ZNF713: variants seen among roughly 807,000 people sequenced by gnomAD.
The protein encoded by ZNF713 is zinc finger protein 713.
ZNF713 carries 21 observed loss-of-function variants against 28.7 expected under a neutral mutation model. The observed-to-expected ratio is 0.73, with a 90% CI of 0.52 to 1.05. The LOEUF is 1.05. ZNF713 is among the 50% of genes least tolerant of loss of function. ZNF713 has a pLI of 0.00. For synonymous variants in ZNF713, 167 were observed against 178.0 expected, an observed-to-expected ratio of 0.94 and a Z score of 0.49; for missense variants, 458 against 532.4, an observed-to-expected ratio of 0.86 and a Z score of 1.37.
At chr7:55,894,182 C>T (rs1253549206) in intron 1 of ZNF713, among the ~76,000 whole-genome samples, 1 of 152,164 alleles carries the variant, frequency 6.6e-6, no homozygotes, top group Admixed American at 6.6e-5. Context: ...CTGAACATGT[C>T]CCATGGCCTC....
At chr7:55,937,605 T>G (rs1353999379) in intron 6 of ZNF713, among the ~76,000 whole-genome samples, 1 of 152,058 alleles carries the variant, frequency 6.6e-6, no homozygotes, top group Non-Finnish European at 1.5e-5. Flanking sequence ...ATCTGTTACC[T>G]AAGAATTAAG....
Position 55,923,960 on chromosome 7 carries a change from A to G in ZNF713, c.307+261A>G, listed in dbSNP as rs935579269. ...TTTGAAGGTATCCATTTAAACACCCATAAATATCTTGATATTACAGATATC... is the reference window on the plus strand; with the variant it reads ...TTTGAAGGTATCCATTTAAACACCCGTAAATATCTTGATATTACAGATATC... On this transcript the variant is annotated intron_variant, in intron 6 of 6. Coordinates refer to ENST00000429591, the MANE Select transcript of ZNF713 (RefSeq NM_182633.3). 7 of 258,840 alleles carry G rather than the reference A, an allele frequency of 2.7e-5. No individual in the cohort carries two copies. The South Asian group carries it at 3.7e-4, about 14-fold the overall frequency. The allele number at this position is 258,840 out of a possible 1,614,324, so 16.0% of individuals were successfully genotyped here.
intron 4 of ZNF713, among the ~76,000 whole-genome samples, chr7:55,915,654 A>G (rs773025914): frequency 1.4e-4 from 22 of 152,230 alleles, no homozygotes; most frequent in Admixed American, 5.9e-4. Context: ...GCTAAAAATC[A>G]TCTGCAAAAA....
chr7:55,908,132 G>GTTTTTTTTTTTTTTTTTT (rs1374001911), intron 2 of ZNF713, among the ~76,000 whole-genome samples: 1 of 110,980 alleles, frequency 9.0e-6, no homozygotes. Context: ...AACATCCGTT[G>GTTTTTTTTTTTTTTTTTT]TTGTTTTTTT....
chr7:55,934,852 T>A (rs1786312340), intron 6 of ZNF713, among the ~76,000 whole-genome samples: 2 of 151,686 alleles, frequency 1.3e-5, no homozygotes, highest in South Asian at 4.2e-4. Context: ...TATCAAAATG[T>A]GTAGTGTGCA....
At position 55,941,882 on chromosome 7, in the gene ZNF713, T is replaced by TC. The variant is rs1295528971; in HGVS notation, c.*1877dup. On this transcript the variant is annotated 3_prime_UTR_variant, in exon 7 of 7. Coordinates refer to ENST00000429591, the MANE Select transcript of ZNF713 (RefSeq NM_182633.3). ...TATTTTCATCAAATGAATCCTAGGA[T>TC]CACTTTGAGAAGAGCCTTGAAGAAG... 1 of 152,176 alleles carries TC rather than the reference T, an allele frequency of 6.6e-6. No individual in the cohort carries two copies. Among genetic ancestry groups the TC allele is most frequent in the African/African-American group, 2.4e-5 (1 of 41,450 alleles). The allele number at this position is 152,176 out of a possible 1,614,324, so 9.4% of individuals were successfully genotyped here.
chr7:55,888,383 T>G (rs1024098733), intron 1 of ZNF713, among the ~76,000 whole-genome samples: 1 of 152,118 alleles, frequency 6.6e-6, no homozygotes, highest in Admixed American at 6.6e-5. Context: ...TGTTTCTGTT[T>G]ATTTATGTTT....
chr7:55,928,490 G>C (rs1005639575), intron 6 of ZNF713, among the ~76,000 whole-genome samples: 5 of 152,166 alleles, frequency 3.3e-5, no homozygotes, highest in African/African-American at 1.2e-4. Context: ...GAAAGAGACA[G>C]AATGTGAGTA....
At chr7:55,921,193 A>G (rs1785984490) in intron 4 of ZNF713, among the ~76,000 whole-genome samples, 1 of 152,186 alleles carries the variant, frequency 6.6e-6, no homozygotes, top group African/African-American at 2.4e-5. Context: ...TCAGGAAAAA[A>G]AAAAAATCCC....
intron 4 of ZNF713, among the ~76,000 whole-genome samples, chr7:55,913,152 C>CTGTT (rs1001779913): frequency 2.7e-5 from 4 of 147,324 alleles, no homozygotes; most frequent in African/African-American, 1.0e-4. Context: ...TCCCAAGCAT[C>CTGTT]TGTTGTATCT....
intron 6 of ZNF713, among the ~76,000 whole-genome samples, chr7:55,938,641 A>G (rs1213458643): frequency 6.6e-6 from 1 of 151,364 alleles, no homozygotes; most frequent in Non-Finnish European, 1.5e-5. Context: ...GCCTTCTCTA[A>G]TTAATCATTC....
intron 4 of ZNF713, among the ~76,000 whole-genome samples, chr7:55,918,621 A>G (rs1785930519): frequency 2.0e-5 from 3 of 152,202 alleles, no homozygotes; most frequent in African/African-American, 7.2e-5. Flanking sequence ...AACTCAAAGG[A>G]TAGTAAGGAG....
intron 6 of ZNF713, among the ~76,000 whole-genome samples, chr7:55,930,619 C>T (rs1003753532): frequency 2.0e-5 from 3 of 152,206 alleles, no homozygotes; most frequent in Admixed American, 6.5e-5. Context: ...ATTAGCTAAG[C>T]GTGGTGGTGC....
At chr7:55,891,217 T>C (rs890731242) in intron 1 of ZNF713, among the ~76,000 whole-genome samples, 1 of 152,138 alleles carries the variant, frequency 6.6e-6, no homozygotes, top group Non-Finnish European at 1.5e-5. Context: ...AATATAAATA[T>C]GAACGAAATT....
In ZNF713 at chr7:55,908,295, G is replaced by A. The variant is rs767837910; in HGVS notation, c.-456+1916G>A. Reference sequence around the variant, plus strand: ...ATAGCTGGGATTACAGGCATGCACCGCCGTACCCGGCTAATTTTTGTATTT... The same window carrying A: ...ATAGCTGGGATTACAGGCATGCACCACCGTACCCGGCTAATTTTTGTATTT... On this transcript the variant is annotated intron_variant, in intron 2 of 6. Coordinates refer to ENST00000429591, the MANE Select transcript of ZNF713 (RefSeq NM_182633.3). 6.8e-4 allele frequency among the ~76,000 whole-genome samples: 104 copies of A among 151,898 alleles called. 1 individual carries two copies. Among genetic ancestry groups the A allele is most frequent in the Non-Finnish European group, 1.1e-3 (76 of 67,934 alleles).
intron 6 of ZNF713, among the ~76,000 whole-genome samples, chr7:55,930,012 T>G (rs1786179723): frequency 6.6e-6 from 1 of 152,064 alleles, no homozygotes; most frequent in Non-Finnish European, 1.5e-5. Flanking sequence ...ATGAATATTA[T>G]AAAATGCTCC....
At chr7:55,932,052 ATAGT>A (rs1786221190) in intron 6 of ZNF713, among the ~76,000 whole-genome samples, 1 of 152,204 alleles carries the variant, frequency 6.6e-6, no homozygotes, top group South Asian at 2.1e-4. Context: ...GTTCCAGTTG[ATAGT>A]TTGGTTGAAA....
chr7:55,912,419 C>CCA (rs1347455459), intron 3 of ZNF713, among the ~76,000 whole-genome samples: 1 of 152,184 alleles, frequency 6.6e-6, no homozygotes, highest in Non-Finnish European at 1.5e-5. Flanking sequence ...CTCCCCTATG[C>CCA]CACAACAAGG....
intron 4 of ZNF713, among the ~76,000 whole-genome samples, chr7:55,919,490 G>GTTTTTTTTGTTTTTTTT (rs1785945405): frequency 3.0e-5 from 2 of 66,758 alleles, no homozygotes; most frequent in African/African-American, 9.9e-5. Flanking sequence ...AAACACTCCA[G>GTTTTTTTTGTTTTTTTT]TTTTTTTTTT....
Sources: allele counts gnomAD v4.1 joint callset (sites outside exome capture counted in the v4.1 genomes callset), GRCh38; gene constraint gnomAD v4.1.1; transcripts MANE v1.5; gene names NCBI Gene and HGNC (gene_info 2026-07-23, HGNC 2026-07-21).